ADAMTS9: variants seen among roughly 807,000 people sequenced by gnomAD.
ADAMTS9 encodes the protein A disintegrin and metalloproteinase with thrombospondin motifs 9.
A neutral mutation model predicts 257.1 loss-of-function variants in ADAMTS9; 107 were observed. That is an observed-to-expected ratio of 0.42 (90% CI 0.36 to 0.49). The LOEUF (loss-of-function observed/expected upper bound fraction) is 0.49. ADAMTS9 is among the 20% of genes least tolerant of loss of function. The pLI is 0.03. For missense variants in ADAMTS9, 2,353 were observed against 2,469.1 expected (o/e 0.95, Z 1.00); for synonymous variants, 982 against 880.9 (o/e 1.11, Z -2.03).
At chr3:64,617,526 C>T (rs138462375) in intron 19 of ADAMTS9, among the ~76,000 whole-genome samples, 21 of 152,096 alleles carry the variant, frequency 1.4e-4, no homozygotes, top group Middle Eastern at 3.4e-3. Flanking sequence ...TTCAATGTTT[C>T]GTGTTCATTT....
At chr3:64,667,907 T>G (rs138875614) in intron 3 of ADAMTS9, among the ~76,000 whole-genome samples, 64 of 152,316 alleles carry the variant, frequency 4.2e-4, no homozygotes, top group African/African-American at 1.5e-3. Context: ...GAGAAAATAT[T>G]TAAAGTATCT....
chr3:64,560,793 C>T lies in ADAMTS9; in HGVS notation c.4698+785G>A, dbSNP rs140651024. Among the ~76,000 whole-genome samples, 273 of 152,212 alleles carry T rather than the reference C, an allele frequency of 1.8e-3. 1 individual carries two copies. The highest frequency in any genetic ancestry group is 6.4e-3 in the African/African-American group (267 of 41,538). On this transcript the variant is annotated intron_variant, in intron 30 of 39. Coordinates refer to ENST00000498707, the MANE Select transcript of ADAMTS9 (RefSeq NM_182920.2). ...GTGGGGAATTTCCTGCCTTATTTTT[C>T]ATTATCTCTGCACCTCAAGCAGCAT... is the stretch of plus-strand genomic sequence containing the variant.
In ADAMTS9 at chr3:64,550,924, C is replaced by T. The variant is rs749861523; in HGVS notation, c.4837G>A (p.Glu1613Lys). Residue 1613 changes from glutamate (E) to lysine (K), a missense_variant, in exon 31 of 40, where the codon GAG (glutamate) becomes AAG (lysine). By Grantham distance (56) the Glu-to-Lys change is moderately conservative. Coordinates refer to ENST00000498707, the MANE Select transcript of ADAMTS9 (RefSeq NM_182920.2). ...DRESCSLQPC[E>K]YVWITGEWSE... is the part of the protein sequence containing the mutation. ...CATTCTCCTGTGATCCAGACATACT[C>T]GCAGGGTTGCAAACTACAGCTTTCA... 16 of 1,614,052 alleles carry T rather than the reference C, an allele frequency of 9.9e-6. No individual in the cohort carries two copies. In the South Asian group the frequency reaches 1.2e-4, roughly 12 times the overall value.
At chr3:64,518,822 GAGTGC>G in intron 39 of ADAMTS9, among the ~76,000 whole-genome samples, 3 of 138,222 alleles carry the variant, frequency 2.2e-5, no homozygotes, top group African/African-American at 7.9e-5. Flanking sequence ...ACCCAGGCTG[GAGTGC>G]AGTGGCGGGG....
intron 28 of ADAMTS9, among the ~76,000 whole-genome samples, chr3:64,570,617 A>C (rs982257614): frequency 1.4e-5 from 2 of 142,268 alleles, no homozygotes; most frequent in African/African-American, 5.3e-5. Context: ...AATGGTGTGA[A>C]CCCGGGAGGC....
chr3:64,606,617 T>A (rs915608900), intron 23 of ADAMTS9, among the ~76,000 whole-genome samples: 3 of 152,172 alleles, frequency 2.0e-5, no homozygotes, highest in Non-Finnish European at 4.4e-5. Flanking sequence ...ACAAGTTAGC[T>A]CCAGCAAATC....
chr3:64,602,111 G>C lies in ADAMTS9; in HGVS notation c.3850C>G (p.Pro1284Ala). Residue 1284 changes from proline (P) to alanine (A), a missense_variant, in exon 26 of 40, where the codon CCA becomes GCA. Physicochemically the swap from Pro to Ala is conservative, Grantham distance 27. This residue lies in a region of ADAMTS9 where 1,402 missense variants were observed against 1,441.4 expected (regional missense o/e 0.97). Transcript: ENST00000498707. ...DRSECDQDYI[P>A]ETDQDCSMSP... is the part of the protein sequence containing the mutation. ...ATGGAACAGTCCTGGTCAGTTTCTGGGATATAATCCTGGTCACACTCACTC... is the reference window on the plus strand; with the variant it reads ...ATGGAACAGTCCTGGTCAGTTTCTGCGATATAATCCTGGTCACACTCACTC... 6.2e-7 allele frequency: 1 copy of C among 1,614,074 alleles called. No homozygotes were observed. Among genetic ancestry groups the C allele is most frequent in the Non-Finnish European group, 8.5e-7 (1 of 1,179,992 alleles).
intron 30 of ADAMTS9, among the ~76,000 whole-genome samples, chr3:64,558,665 G>A (rs1398146982): frequency 4.6e-5 from 7 of 152,206 alleles, no homozygotes; most frequent in East Asian, 1.9e-4. Context: ...CATATCCTAC[G>A]GACCAAGCAT....
chr3:64,629,955 A>G (rs746314732), intron 16 of ADAMTS9, among the ~76,000 whole-genome samples: 12 of 152,232 alleles, frequency 7.9e-5, no homozygotes, highest in Non-Finnish European at 1.3e-4. Context: ...ACAAATACTC[A>G]TTTACCAGCT....
chr3:64,686,996 C>G lies in ADAMTS9; in HGVS notation c.116-28G>C. 6.3e-7 allele frequency: 1 copy of G among 1,581,456 alleles called. No homozygotes were observed. Among genetic ancestry groups the G allele is most frequent in the Non-Finnish European group, 8.6e-7 (1 of 1,165,140 alleles). On this transcript the variant is annotated intron_variant, in intron 1 of 39. Transcript: ENST00000498707. The surrounding 1 kb of genome is among the most constrained non-coding windows in gnomAD (Gnocchi z 4.6). ...GCGGAGAGAAGCAGAGGTATATGAA[C>G]CAATAATTCATTTTTCCTTAAGCTT...
intron 21 of ADAMTS9, 90 bp downstream of exon 21, chr3:64,615,231 G>T: frequency 7.0e-7 from 1 of 1,425,210 alleles, no homozygotes; most frequent in Non-Finnish European, 9.6e-7. Flanking sequence ...TGGGAGAAAG[G>T]TGCACAAGGG....
At chr3:64,626,958 C>T (rs1171804662) in intron 16 of ADAMTS9, among the ~76,000 whole-genome samples, 3 of 152,146 alleles carry the variant, frequency 2.0e-5, no homozygotes, top group East Asian at 1.9e-4. Context: ...AGGTTGTTTC[C>T]GTGGCACCTT....
intron 11 of ADAMTS9, among the ~76,000 whole-genome samples, chr3:64,642,896 G>A (rs1341071584): frequency 6.6e-6 from 1 of 152,158 alleles, no homozygotes; most frequent in African/African-American, 2.4e-5. Flanking sequence ...CAGGGGGTGG[G>A]GCAGTATGCA....
chr3:64,680,700 G>A (rs1701732263), intron 3 of ADAMTS9, among the ~76,000 whole-genome samples: 1 of 152,148 alleles, frequency 6.6e-6, no homozygotes, highest in Non-Finnish European at 1.5e-5. Flanking sequence ...CACAGAACAT[G>A]AGCAAACCTG....
chr3:64,621,970 A>G (rs1700118714), intron 18 of ADAMTS9, among the ~76,000 whole-genome samples: 1 of 152,054 alleles, frequency 6.6e-6, no homozygotes, highest in South Asian at 2.1e-4. Context: ...TTGGTTTTAC[A>G]CATGTGTACA....
rs772371844 is a variant in ADAMTS9, at chr3:64,641,269, TTTTTGTTTTG to T, written c.1856+569_1856+578del. ...ATCTTTTTTTTTTTTGCCTGCTTTT[TTTTTGTTTTG>T]TTTTGTTTTGTTTTTGCTTTTTTGT... On this transcript the variant is annotated intron_variant, in intron 12 of 39. Coordinates refer to ENST00000498707, the MANE Select transcript of ADAMTS9 (RefSeq NM_182920.2). 7.9e-5 allele frequency among the ~76,000 whole-genome samples: 12 copies of T among 152,086 alleles called. No individual in the cohort carries two copies. The South Asian group carries it at 1.5e-3, about 18-fold the overall frequency.
At chr3:64,633,235 C>A (rs999099217) in intron 14 of ADAMTS9, among the ~76,000 whole-genome samples, 6 of 152,026 alleles carry the variant, frequency 3.9e-5, no homozygotes, top group African/African-American at 1.5e-4. Flanking sequence ...TGTGCAAGAC[C>A]CCCACAGAGA....
At chr3:64,613,654 C>T (rs1390085461) in intron 21 of ADAMTS9, 145 bp from the exon 22 acceptor site, 2 of 744,650 alleles carry the variant, frequency 2.7e-6, no homozygotes, top group Non-Finnish European at 4.0e-6. Flanking sequence ...TACTAAGCCT[C>T]ATTTTTTTCC....
chr3:64,540,545 T>C (rs189568222), intron 36 of ADAMTS9, among the ~76,000 whole-genome samples: 4 of 152,294 alleles, frequency 2.6e-5, no homozygotes, highest in East Asian at 3.9e-4. Context: ...TGTGTAAGCA[T>C]GTACACTGTG....
Sources: gnomAD v4.1 joint callset for allele counts (sites outside exome capture counted in the v4.1 genomes callset) on GRCh38, gnomAD v4.1.1 for gene constraint, gnomAD v4.1.1 regional missense constraint, Gnocchi (gnomAD v3.1) non-coding constraint, MANE v1.5 for transcripts, NCBI Gene and HGNC (gene_info 2026-07-23, HGNC 2026-07-21) for gene names.